Variants in WDR41 observed in about 807,000 individuals in gnomAD.
The protein encoded by WDR41 is WD repeat domain 41.
WDR41 carries 63 observed loss-of-function variants against 69.3 expected under a neutral mutation model. The observed-to-expected ratio is 0.91, with a 90% confidence interval of 0.74 to 1.12. WDR41 has a LOEUF of 1.12. Among genes scored for constraint, WDR41 ranks in the 50% most tolerant of loss-of-function variants. WDR41 has a pLI of 0.00. For missense variants in WDR41, 543 were observed against 534.5 expected (o/e 1.02, Z -0.16); for synonymous variants, 185 against 192.1 (o/e 0.96, Z 0.31).
At chr5:77,602,688 A>G (rs1744346982) in intron 1 of WDR41, among the ~76,000 whole-genome samples, 1 of 152,084 alleles carries the variant, frequency 6.6e-6, no homozygotes, top group East Asian at 1.9e-4. Flanking sequence ...TATCTTTGCT[A>G]TTATAAATAG....
chr5:77,489,451 T>C lies in WDR41; in HGVS notation c.167+6A>G. On this transcript the variant is annotated splice_donor_region_variant and intron_variant, in intron 2 of 12. Transcript: ENST00000296679. ...AATAGTCAATTAGACCACTATAGCT[T>C]CTTACCTGTAGTCATCTAACTGTAC... The C allele has an allele frequency of 1.3e-6, 2 of 1,552,382 alleles. No homozygotes were observed. Among genetic ancestry groups the C allele is most frequent in the Non-Finnish European group, 1.8e-6 (2 of 1,140,050 alleles).
intron 1 of WDR41, among the ~76,000 whole-genome samples, chr5:77,614,219 A>G (rs867544409): frequency 0.054 from 8,088 of 149,144 alleles, 302 homozygotes; most frequent in East Asian, 0.18. Flanking sequence ...TAGTTCAACC[A>G]TTGTGGAAGT....
At chr5:77,536,216 T>A (rs1234813676) in intron 1 of WDR41, among the ~76,000 whole-genome samples, 1 of 152,132 alleles carries the variant, frequency 6.6e-6, no homozygotes, top group African/African-American at 2.4e-5. Flanking sequence ...CTCCTGATGA[T>A]TAATTAGTCA....
At chr5:77,539,467 T>G (rs1743049443) in intron 1 of WDR41, among the ~76,000 whole-genome samples, 1 of 152,174 alleles carries the variant, frequency 6.6e-6, no homozygotes, top group South Asian at 2.1e-4. Flanking sequence ...GGGCTGATTC[T>G]GCCTTTCTAA....
intron 1 of WDR41, among the ~76,000 whole-genome samples, chr5:77,573,125 T>G (rs6453323): frequency 0.46 from 69,596 of 151,962 alleles, 17,121 homozygotes; most frequent in African/African-American, 0.62. Context: ...CCAGGACAGA[T>G]CTGTTTTCAC....
At chr5:77,492,141 G>A in intron 1 of WDR41, 29 bp downstream of exon 1, 2 of 1,603,598 alleles carry the variant, frequency 1.2e-6, no homozygotes, top group Non-Finnish European at 1.7e-6. Flanking sequence ...AAGCTCGACG[G>A]ACGCAGAGCA....
rs181163291 is a variant in WDR41, at chr5:77,604,903, C to A, written c.42+15576G>T. Among the ~76,000 whole-genome samples, 26 of 150,756 alleles carry A rather than the reference C, an allele frequency of 1.7e-4. No individual in the cohort carries two copies. In the East Asian group the frequency reaches 5.0e-3, roughly 29 times the overall value. ...ACAGAACAGGGAAACAGAATGTTAC[C>A]ATTTGTGCACTAAAAGGGGAAAGAA... On this transcript the variant is annotated intron_variant, in intron 1 of 5. Transcript: ENST00000509971.
chr5:77,524,850 ATCTCAAGG>A (rs1802423141), intron 1 of WDR41, among the ~76,000 whole-genome samples: 2 of 152,236 alleles, frequency 1.3e-5, no homozygotes, highest in Admixed American at 6.5e-5. Flanking sequence ...ATTCTCAGAA[ATCTCAAGG>A]TCTAGCTTAG....
chr5:77,479,545 C>G (rs1303480771), intron 2 of WDR41, among the ~76,000 whole-genome samples: 1 of 152,088 alleles, frequency 6.6e-6, no homozygotes, highest in African/African-American at 2.4e-5. Context: ...TGATCTTTGA[C>G]AAACCTGACA....
chr5:77,576,726 T>C (rs1365838051), intron 1 of WDR41, among the ~76,000 whole-genome samples: 1 of 152,176 alleles, frequency 6.6e-6, no homozygotes, highest in Non-Finnish European at 1.5e-5. Context: ...ACTTGGATAC[T>C]TCACAGGTAG....
chr5:77,453,789 A>C (rs775117542), intron 6 of WDR41, 28 bp downstream of exon 6: 1 of 1,543,450 alleles, frequency 6.5e-7, no homozygotes, highest in Admixed American at 1.7e-5. Flanking sequence ...TGTCAATCAT[A>C]GTTCAAAATT....
chr5:77,561,135 T>TATA (rs1743516293), intron 1 of WDR41, among the ~76,000 whole-genome samples: 1 of 152,218 alleles, frequency 6.6e-6, no homozygotes, highest in Admixed American at 6.5e-5. Context: ...GTAGGAATAA[T>TATA]GTATAAGTGA....
At chr5:77,558,938 T>C (rs796857308) in intron 1 of WDR41, among the ~76,000 whole-genome samples, 1 of 152,190 alleles carries the variant, frequency 6.6e-6, no homozygotes, top group South Asian at 2.1e-4. Context: ...AAAAAAACCT[T>C]AATTTTTAAA....
chr5:77,501,071 C>T (rs574531532), intron 1 of WDR41, among the ~76,000 whole-genome samples: 6 of 152,318 alleles, frequency 3.9e-5, no homozygotes, highest in Admixed American at 6.5e-5. Context: ...CAGGGCGAGG[C>T]GTTGCCTCAC....
At chr5:77,477,241 C>G (rs1211458604) in intron 2 of WDR41, among the ~76,000 whole-genome samples, 1 of 150,650 alleles carries the variant, frequency 6.6e-6, no homozygotes, top group East Asian at 1.9e-4. Context: ...TTTAACACCC[C>G]ACTGTCAACA....
chr5:77,554,353 A>G (rs1221836972), intron 1 of WDR41, among the ~76,000 whole-genome samples: 2 of 152,082 alleles, frequency 1.3e-5, no homozygotes, highest in Non-Finnish European at 2.9e-5. Flanking sequence ...AAATCTAATC[A>G]CCAGTGAGAT....
At chr5:77,458,642 G>C (rs1181056044) in intron 5 of WDR41, among the ~76,000 whole-genome samples, 1 of 152,072 alleles carries the variant, frequency 6.6e-6, no homozygotes, top group Non-Finnish European at 1.5e-5. Flanking sequence ...AAGATTTTTA[G>C]TTTTGAAACT....
At chr5:77,441,366 A>C (rs2619782) in intron 8 of WDR41, among the ~76,000 whole-genome samples, 21,346 of 152,120 alleles carry the variant, frequency 0.14, 2,116 homozygotes, top group African/African-American at 0.25. Flanking sequence ...GATAAAGGTG[A>C]ATACTTTTAG....
intron 1 of WDR41, chr5:77,545,949 T>C: frequency 2.0e-6 from 1 of 491,508 alleles, no homozygotes; most frequent in Non-Finnish European, 3.6e-6. Context: ...GACAGGCCGC[T>C]GTGGCTCCGT....
Sources: allele counts gnomAD v4.1 joint callset (sites outside exome capture counted in the v4.1 genomes callset), GRCh38; gene constraint gnomAD v4.1.1; transcripts MANE v1.5; gene names NCBI Gene and HGNC (gene_info 2026-07-23, HGNC 2026-07-21).